SLC67A1: variants seen among roughly 807,000 people sequenced by gnomAD.
SLC67A1 encodes the protein solute carrier family 67 member 1, also known as solute carrier family 67 member A1.
the SLC67A1 span, chr11:2,918,242 T>A: frequency 1.5e-6 from 1 of 653,560 alleles, no homozygotes; most frequent in Admixed American, 2.9e-5. Context: ...CAGAAAAGTG[T>A]CTTTCCCACC....
At chr11:2,908,031 G>T in the SLC67A1 span, among the ~76,000 whole-genome samples, 2 of 152,146 alleles carry the variant, frequency 1.3e-5, no homozygotes, top group Non-Finnish European at 2.9e-5. Context: ...GGAGTTGCAA[G>T]GACCTTAGAG....
the SLC67A1 span, among the ~76,000 whole-genome samples, chr11:2,901,404 G>A: frequency 1.2e-4 from 19 of 152,378 alleles, no homozygotes; most frequent in African/African-American, 4.6e-4. Flanking sequence ...GCTCTGTGGA[G>A]CGATGATTGA....
At chr11:2,922,255 G>T in the SLC67A1 span, 2 of 1,558,312 alleles carry the variant, frequency 1.3e-6, no homozygotes, top group Non-Finnish European at 1.8e-6. Context: ...ACTGGGCAAG[G>T]CCACCTGGGC....
the SLC67A1 span, among the ~76,000 whole-genome samples, chr11:2,924,351 T>C: frequency 3.8e-3 from 567 of 151,192 alleles, 2 homozygotes; most frequent in Non-Finnish European, 4.9e-3. This position sits in a 1 kb window ranked among gnomAD's most constrained non-coding sequence, Gnocchi z 8.6. Context: ...TGAGGGGGAG[T>C]TCCATGGAGT....
chr11:2,908,008 C>G, the SLC67A1 span, among the ~76,000 whole-genome samples: 1 of 152,148 alleles, frequency 6.6e-6, no homozygotes, highest in Non-Finnish European at 1.5e-5. Context: ...ACCCTGGGCT[C>G]CCGCCTAGGA....
the SLC67A1 span, among the ~76,000 whole-genome samples, chr11:2,901,407 A>T: frequency 6.6e-6 from 1 of 152,218 alleles, no homozygotes; most frequent in African/African-American, 2.4e-5. Flanking sequence ...CTGTGGAGCG[A>T]TGATTGACAC....
chr11:2,918,190 G>A, the SLC67A1 span: 14 of 909,384 alleles, frequency 1.5e-5, no homozygotes, highest in African/African-American at 1.0e-4. Context: ...TGCCCCACAG[G>A]TCCACACAGA....
At chr11:2,903,266 G>T in the SLC67A1 span, 1 of 1,564,874 alleles carries the variant, frequency 6.4e-7, no homozygotes, top group African/African-American at 1.3e-5. Context: ...CCCCTGCCCG[G>T]ATCAACTGGA....
At chr11:2,922,620 T>C in the SLC67A1 span, 1 of 784,666 alleles carries the variant, frequency 1.3e-6, no homozygotes, top group South Asian at 2.6e-5. Flanking sequence ...CCGGTGGGGA[T>C]GGGGTGGGCA....
At chr11:2,903,354 A>G in the SLC67A1 span, 1 of 1,612,600 alleles carries the variant, frequency 6.2e-7, no homozygotes, top group Admixed American at 1.7e-5. Context: ...GGATGCAGGG[A>G]GCTCGGGCTC....
At chr11:2,907,656 G>A in the SLC67A1 span, among the ~76,000 whole-genome samples, 440 of 152,306 alleles carry the variant, frequency 2.9e-3, 1 homozygote, top group African/African-American at 0.01. This position sits in a 1 kb window ranked among gnomAD's most constrained non-coding sequence, Gnocchi z 6.7. Context: ...ATCACTGGAA[G>A]GAGAGTCGGG....
the SLC67A1 span, among the ~76,000 whole-genome samples, chr11:2,917,765 G>A: frequency 2.0e-5 from 3 of 152,248 alleles, no homozygotes; most frequent in African/African-American, 7.2e-5. Context: ...GATTCAGGGG[G>A]CCCCTAGGAA....
At chr11:2,913,857 AC>A in the SLC67A1 span, among the ~76,000 whole-genome samples, 15 of 152,168 alleles carry the variant, frequency 9.9e-5, no homozygotes. Flanking sequence ...TCACCGTAGA[AC>A]ACACAGAAGC....
At chr11:2,908,079 G>T in the SLC67A1 span, among the ~76,000 whole-genome samples, 33 of 152,254 alleles carry the variant, frequency 2.2e-4, no homozygotes, top group Non-Finnish European at 4.3e-4. Context: ...GAGGAGCAGG[G>T]TCCCCCTGGG....
chr11:2,899,737 T>C, the SLC67A1 span: 3 of 1,443,886 alleles, frequency 2.1e-6, no homozygotes, highest in Non-Finnish European at 2.7e-6. Context: ...AAAAAAGGTC[T>C]CTCCGATTTC....
At chr11:2,903,465 C>G in the SLC67A1 span, 1 of 1,613,348 alleles carries the variant, frequency 6.2e-7, no homozygotes. Flanking sequence ...TTACCTGCCT[C>G]TTCATGCAGT....
the SLC67A1 span, chr11:2,909,289 G>GGCCCT: frequency 3.3e-6 from 5 of 1,534,284 alleles, no homozygotes; most frequent in South Asian, 4.8e-5. Flanking sequence ...CCTCCAGCCC[G>GGCCCT]GCCCTGCCCG....
chr11:2,919,103 C>T, the SLC67A1 span: 1 of 591,564 alleles, frequency 1.7e-6, no homozygotes, highest in Non-Finnish European at 3.1e-6. Context: ...AGCAACCACA[C>T]GAGAGGCACT....
the SLC67A1 span, among the ~76,000 whole-genome samples, chr11:2,912,211 G>C: frequency 7.2e-5 from 11 of 152,360 alleles, no homozygotes; most frequent in African/African-American, 2.6e-4. Flanking sequence ...GGGCTGCGGG[G>C]TTGACCTTGT....
Sources: allele counts gnomAD v4.1 joint callset (sites outside exome capture counted in the v4.1 genomes callset), GRCh38; gene constraint gnomAD v4.1.1; non-coding constraint Gnocchi (gnomAD v3.1); transcripts MANE v1.5; gene names NCBI Gene and HGNC (gene_info 2026-07-23, HGNC 2026-07-21).